Variants in KANSL1 observed in about 807,000 individuals in gnomAD.
KANSL1 encodes MLL1/MLL complex subunit KANSL1.
KANSL1 carries 22 observed loss-of-function variants against 103.6 expected under a neutral mutation model. That is an observed-to-expected ratio of 0.21 (90% CI 0.15 to 0.30). The LOEUF (loss-of-function observed/expected upper bound fraction) is 0.30, where lower values mean the gene tolerates loss of function less well. KANSL1 is among the 10% of genes least tolerant of loss of function. The probability of loss-of-function intolerance (pLI) is 1.00; values close to 1 mark genes in which losing one functional copy is unlikely to be tolerated. For synonymous variants in KANSL1, 600 were observed against 527.6 expected (o/e 1.14, Z -1.88); for missense variants, 1,337 against 1,399.8 (o/e 0.96, Z 0.72).
At chr17:46,127,341 G>T (rs2043621282) in intron 2 of KANSL1, among the ~76,000 whole-genome samples, 1 of 152,186 alleles carries the variant, frequency 6.6e-6, no homozygotes, top group African/African-American at 2.4e-5. Flanking sequence ...AAATGAGCTG[G>T]AAAACCTACA....
chr17:46,094,989 T>C (rs1161082026), intron 2 of KANSL1, among the ~76,000 whole-genome samples: 1 of 152,224 alleles, frequency 6.6e-6, no homozygotes, highest in African/African-American at 2.4e-5. Context: ...ATAAAATTAT[T>C]GTCCATGCCA....
Position 46,038,630 on chromosome 17 carries a change from G to A in KANSL1, c.2449C>T (p.Pro817Ser), listed in dbSNP as rs777630407. 2 of 1,614,134 alleles carry A rather than the reference G, an allele frequency of 1.2e-6. No individual in the cohort carries two copies. The highest frequency in any genetic ancestry group is 2.2e-5 in the South Asian group (2 of 91,086). ...TGTCGCACCAAGGGACTGTGTGGAG[G>A]ATGGTGGGTGGCTGCCAAGTAGCTC... The part of the protein sequence containing the change: ...SSSYLAATHH[P>S]PHSPLVRQLS... The change falls in exon 10 of 15, where the codon CCT becomes TCT. Residue 817 changes from proline to serine, a missense_variant. By Grantham distance (74) the Pro-to-Ser change is moderately conservative. Around this residue, in one of 2 missense-constraint regions of KANSL1, gnomAD observed 780 missense variants for 923.4 expected, o/e 0.84. Transcript: ENST00000432791.
At chr17:46,096,134 G>GTTTTCT (rs2042051472) in intron 2 of KANSL1, among the ~76,000 whole-genome samples, 2 of 135,706 alleles carry the variant, frequency 1.5e-5, no homozygotes, top group African/African-American at 2.6e-5. Context: ...TCATGATACT[G>GTTTTCT]TATTTTTTTT....
intron 2 of KANSL1, among the ~76,000 whole-genome samples, chr17:46,135,500 C>T (rs1444042628): frequency 6.6e-6 from 1 of 151,676 alleles, no homozygotes; most frequent in Non-Finnish European, 1.5e-5. Flanking sequence ...TCAATTATAC[C>T]AAGACTTTAA....
At chr17:46,109,841 T>C (rs1468697383) in intron 2 of KANSL1, among the ~76,000 whole-genome samples, 1 of 152,236 alleles carries the variant, frequency 6.6e-6, no homozygotes, top group African/African-American at 2.4e-5. Context: ...ATGACAAATA[T>C]TTGTTTTGAA....
Position 46,082,554 on chromosome 17 carries a change from AGAG to A in KANSL1, c.1432-15_1432-13del, listed in dbSNP as rs2079024558. On this transcript the variant is annotated splice_polypyrimidine_tract_variant and intron_variant, in intron 3 of 14. Transcript: ENST00000432791. ...AGAACTATCAACCCCTGCAGGATAGAGAGGAGAAAAATAGCATAAGTGAGCAGT... is the reference window on the plus strand; with the variant it reads ...AGAACTATCAACCCCTGCAGGATAGAGAGAAAAATAGCATAAGTGAGCAGT... 1 of 1,496,180 alleles carries A rather than the reference AGAG, an allele frequency of 6.7e-7. No individual in the cohort carries two copies. The highest frequency in any genetic ancestry group is 1.2e-5 in the South Asian group (1 of 86,320). 92.7% of individuals were successfully genotyped at this position (1,496,180 alleles called of 1,614,324 possible).
intron 2 of KANSL1, among the ~76,000 whole-genome samples, chr17:46,115,577 A>C (rs1403441662): frequency 6.6e-6 from 1 of 152,214 alleles, no homozygotes; most frequent in Non-Finnish European, 1.5e-5. Context: ...CATGATGCAT[A>C]TACGGGTTTT....
chr17:46,173,204 C>T (rs2046368386), intron 1 of KANSL1, among the ~76,000 whole-genome samples: 1 of 152,160 alleles, frequency 6.6e-6, no homozygotes. Flanking sequence ...TGGTGCTGCA[C>T]AAGGTCCCTT....
intron 1 of KANSL1, among the ~76,000 whole-genome samples, chr17:46,216,616 A>AAAAAAT (rs778351416): frequency 5.7e-4 from 85 of 147,906 alleles, no homozygotes; most frequent in Admixed American, 1.1e-3. Context: ...AAAAAAAAAA[A>AAAAAAT]GTTTCAAAGA....
At chr17:46,218,479 T>C (rs1332720151) in intron 1 of KANSL1, among the ~76,000 whole-genome samples, 2 of 152,226 alleles carry the variant, frequency 1.3e-5, no homozygotes, top group African/African-American at 2.4e-5. Context: ...TGAGGAGCTA[T>C]TATTAACAGT....
Position 46,031,419 on chromosome 17 carries a change from A to G in KANSL1, c.*57T>C. On this transcript the variant is annotated 3_prime_UTR_variant, in exon 15 of 15. Transcript: ENST00000432791. ...TGATGTTTGAATATCAAACGCAGAG[A>G]TTTCTGAAGCTTTAATGCCAATAGT... The G allele has an allele frequency of 6.8e-7, 1 of 1,465,030 alleles. No individual in the cohort carries two copies. Among genetic ancestry groups the G allele is most frequent in the Non-Finnish European group, 9.2e-7 (1 of 1,081,224 alleles). 90.8% of individuals were successfully genotyped at this position (1,465,030 alleles called of 1,614,324 possible).
chr17:46,149,008 T>C (rs1375405245), intron 2 of KANSL1, among the ~76,000 whole-genome samples: 2 of 109,516 alleles, frequency 1.8e-5, no homozygotes, highest in Non-Finnish European at 4.9e-5. Context: ...TTTTTTCTTT[T>C]TTTTTTTTTT....
intron 7 of KANSL1, chr17:46,045,043 C>T (rs1475168421): frequency 6.6e-6 from 1 of 152,040 alleles, no homozygotes; most frequent in Non-Finnish European, 1.5e-5. Flanking sequence ...AATCCTGCCA[C>T]TTTAAAACAT....
chr17:46,096,302 C>CTTTTTTTTTTTTTTTTTTTTTTTTT (rs1273083741), intron 2 of KANSL1, among the ~76,000 whole-genome samples: 1 of 82,562 alleles, frequency 1.2e-5, no homozygotes, highest in African/African-American at 5.4e-5. Context: ...ACATACCTGG[C>CTTTTTTTTTTTTTTTTTTTTTTTTT]TTTTTTTTCT....
chr17:46,066,783 A>T, intron 5 of KANSL1, 51 bp from the exon 6 acceptor site: 1 of 1,353,316 alleles, frequency 7.4e-7, no homozygotes, highest in African/African-American at 1.5e-5. Flanking sequence ...GAAACAAAAT[A>T]AATAAACAAC....
chr17:46,171,252 C>T lies in KANSL1; in HGVS notation c.892G>A (p.Ala298Thr). 1 of 1,614,146 alleles carries T rather than the reference C, an allele frequency of 6.2e-7. No individual in the cohort carries two copies. The highest frequency in any genetic ancestry group is 2.2e-5 in the East Asian group (1 of 44,874). The stretch of plus-strand genomic sequence containing the variant: ...TGTAAGCGCTTTTGTAATCTGCGGG[C>T]ACGGCTCTCAATGTCAGCCTGTCGC... Reference protein sequence around the residue: ...LRRQADIESRARRLQKRLQVV... With the variant: ...LRRQADIESRTRRLQKRLQVV... The change falls in exon 2 of 15, where the codon GCC becomes ACC. Residue 298 changes from alanine (A) to threonine (T), a missense_variant. Physicochemically the swap from Ala to Thr is moderately conservative, Grantham distance 58. Coordinates refer to ENST00000432791, the MANE Select transcript of KANSL1 (RefSeq NM_015443.4).
chr17:46,101,754 C>CAAAAAAAAAAAAA (rs372439614), intron 2 of KANSL1, among the ~76,000 whole-genome samples: 1 of 93,682 alleles, frequency 1.1e-5, no homozygotes, highest in African/African-American at 4.8e-5. Flanking sequence ...ACTCTGTCTA[C>CAAAAAAAAAAAAA]AAAAAAAAAA....
chr17:46,085,231 C>A (rs8080583), intron 3 of KANSL1, among the ~76,000 whole-genome samples: 34,529 of 151,990 alleles, frequency 0.23, 4,474 homozygotes, highest in African/African-American at 0.32. Context: ...TAAAGGTTAA[C>A]ACATGAGCTG....
At chr17:46,089,372 G>A (rs1255333624) in intron 3 of KANSL1, among the ~76,000 whole-genome samples, 2 of 151,320 alleles carry the variant, frequency 1.3e-5, no homozygotes, top group Non-Finnish European at 2.9e-5. Context: ...CTGGATCCTA[G>A]AATCACCTAG....
Sources: gnomAD v4.1 joint callset for allele counts (sites outside exome capture counted in the v4.1 genomes callset) on GRCh38, gnomAD v4.1.1 for gene constraint, gnomAD v4.1.1 regional missense constraint, MANE v1.5 for transcripts, NCBI Gene and HGNC (gene_info 2026-07-23, HGNC 2026-07-21) for gene names.